Variants in DLGAP1 observed in about 807,000 individuals in gnomAD.
DLGAP1 encodes DLG associated protein 1, also known as disks large-associated protein 1.
A neutral mutation model predicts 90.8 loss-of-function variants in DLGAP1; 11 were observed. That is an observed-to-expected ratio of 0.12 (90% CI 0.08 to 0.20). The LOEUF (loss-of-function observed/expected upper bound fraction) is 0.20, where lower values mean the gene tolerates loss of function less well. Ranked by LOEUF, DLGAP1 falls within the 10% of genes least tolerant of loss-of-function variation. The pLI, the probability that DLGAP1 is intolerant of heterozygous loss-of-function variation, is 1.00. For synonymous variants in DLGAP1, 558 were observed against 540.7 expected (o/e 1.03, Z -0.44); for missense variants, 1,050 against 1,333.8 (o/e 0.79, Z 3.31).
intron 9 of DLGAP1, among the ~76,000 whole-genome samples, chr18:3,549,419 G>A (rs749244408): frequency 6.7e-6 from 1 of 149,114 alleles, no homozygotes; most frequent in South Asian, 2.1e-4. Flanking sequence ...TGCAACCTCC[G>A]CCTCCCAGGT....
chr18:3,637,466 C>G (rs1483045193), intron 7 of DLGAP1, among the ~76,000 whole-genome samples: 1 of 151,318 alleles, frequency 6.6e-6, no homozygotes, highest in African/African-American at 2.4e-5. Flanking sequence ...AGGCGCAGTG[C>G]CTCACAACTG....
intron 1 of DLGAP1, among the ~76,000 whole-genome samples, chr18:4,448,289 G>A (rs1484054269): frequency 1.3e-5 from 2 of 151,920 alleles, no homozygotes; most frequent in Non-Finnish European, 2.9e-5. Context: ...CATTTTAATC[G>A]TATTCTTTGT....
intron 7 of DLGAP1, chr18:3,598,434 G>C (rs2056712323): frequency 6.6e-6 from 1 of 151,272 alleles, no homozygotes. Context: ...AACTTGTCCA[G>C]GTGACCCCAG....
chr18:4,194,265 T>C (rs919858268), intron 1 of DLGAP1, among the ~76,000 whole-genome samples: 5 of 152,268 alleles, frequency 3.3e-5, no homozygotes, highest in African/African-American at 1.2e-4. Context: ...GTATTTGGGT[T>C]TCTGTTCCTG....
chr18:4,405,903 T>A (rs2082653424), intron 1 of DLGAP1, among the ~76,000 whole-genome samples: 1 of 152,060 alleles, frequency 6.6e-6, no homozygotes, highest in Admixed American at 6.5e-5. Flanking sequence ...ACAAAGCAAC[T>A]AAAGAACGAA....
At chr18:3,791,408 G>A (rs1268653160) in intron 5 of DLGAP1, among the ~76,000 whole-genome samples, 2 of 152,156 alleles carry the variant, frequency 1.3e-5, no homozygotes, top group Non-Finnish European at 2.9e-5. Flanking sequence ...AGCTCAAAGT[G>A]GCTTATAAGA....
chr18:3,728,010 C>CAT (rs1211520423), intron 7 of DLGAP1: 16 of 152,150 alleles, frequency 1.1e-4, no homozygotes, highest in African/African-American at 3.9e-4. Flanking sequence ...ACCTCAATTC[C>CAT]ATATATCTAG....
At chr18:4,314,698 A>G (rs552080024) in intron 1 of DLGAP1, among the ~76,000 whole-genome samples, 2 of 152,212 alleles carry the variant, frequency 1.3e-5, no homozygotes, top group Non-Finnish European at 2.9e-5. Flanking sequence ...ACATTCCCCT[A>G]AATAATCAGT....
At chr18:3,796,506 T>A (rs2065997220) in intron 5 of DLGAP1, among the ~76,000 whole-genome samples, 1 of 152,216 alleles carries the variant, frequency 6.6e-6, no homozygotes, top group African/African-American at 2.4e-5. Context: ...TTTCTAATAA[T>A]TGTAACATTC....
intron 3 of DLGAP1, among the ~76,000 whole-genome samples, chr18:3,910,119 T>A (rs1599147224): frequency 6.6e-6 from 1 of 150,610 alleles, no homozygotes; most frequent in Non-Finnish European, 1.5e-5. Flanking sequence ...AATGAATACC[T>A]GCTGTCGGCT....
intron 2 of DLGAP1, among the ~76,000 whole-genome samples, chr18:4,063,526 C>T (rs2075329416): frequency 6.6e-6 from 1 of 152,134 alleles, no homozygotes; most frequent in African/African-American, 2.4e-5. Context: ...CCTTACAAGG[C>T]TGTCTTAAGT....
At chr18:3,945,121 C>G (rs1383292566) in intron 3 of DLGAP1, among the ~76,000 whole-genome samples, 1 of 152,202 alleles carries the variant, frequency 6.6e-6, no homozygotes, top group African/African-American at 2.4e-5. Context: ...ACTAACTTCT[C>G]TGTGCTTCCA....
chr18:3,818,628 G>A (rs2067230356), intron 4 of DLGAP1, among the ~76,000 whole-genome samples: 1 of 150,532 alleles, frequency 6.6e-6, no homozygotes. Flanking sequence ...TTGAGGTGGT[G>A]TCTCGCTCTG....
In DLGAP1 at chr18:3,959,398, G is replaced by A. The variant is rs191026731; in HGVS notation, c.-73+45718C>T. Among the ~76,000 whole-genome samples, 505 of 152,220 alleles carry A rather than the reference G, an allele frequency of 3.3e-3. 2 individuals are homozygous for A. Among genetic ancestry groups the A allele is most frequent in the African/African-American group, 0.012 (488 of 41,538 alleles). ...AAACACAATTGGGGCCGGGCGTGGT[G>A]GCGCATGTCTGTAATCCCAGCACTT... On this transcript the variant is annotated intron_variant, in intron 3 of 12. Coordinates refer to ENST00000315677, the MANE Select transcript of DLGAP1 (RefSeq NM_004746.4).
chr18:3,504,538 C>T (rs1470987284), intron 11 of DLGAP1, among the ~76,000 whole-genome samples: 1 of 152,038 alleles, frequency 6.6e-6, no homozygotes, highest in East Asian at 1.9e-4. Flanking sequence ...GTGTGTGCCA[C>T]CATGCCTGGC....
intron 1 of DLGAP1, among the ~76,000 whole-genome samples, chr18:4,151,709 T>C (rs2076677678): frequency 2.0e-5 from 3 of 152,204 alleles, no homozygotes; most frequent in African/African-American, 2.4e-5. Context: ...GGCTAAAATG[T>C]ATCATTTTTT....
chr18:3,742,652 C>G, intron 5 of DLGAP1, 140 bp from the exon 6 acceptor site: 1 of 960,574 alleles, frequency 1.0e-6, no homozygotes, highest in Non-Finnish European at 1.5e-6. Flanking sequence ...TTACTAAACT[C>G]CCCCACAGTG....
At chr18:4,393,307 T>C (rs971920706) in intron 1 of DLGAP1, among the ~76,000 whole-genome samples, 2 of 152,298 alleles carry the variant, frequency 1.3e-5, no homozygotes, top group East Asian at 1.9e-4. Flanking sequence ...TCGTACTCCA[T>C]GCCTCTCTCT....
At position 4,342,414 on chromosome 18, in the gene DLGAP1, A is replaced by C. The variant is rs889026949; in HGVS notation, c.-267+112592T>G. 2.6e-5 allele frequency among the ~76,000 whole-genome samples: 4 copies of C among 152,222 alleles called. No individual in the cohort carries two copies. Among genetic ancestry groups the C allele is most frequent in the African/African-American group, 4.8e-5 (2 of 41,448 alleles). Reference sequence around the variant, plus strand: ...ACATTTTAAAAATTGGAAAGGAAATATCTTGCACTACTAAGACTAAATGGT... The same window carrying C: ...ACATTTTAAAAATTGGAAAGGAAATCTCTTGCACTACTAAGACTAAATGGT... On this transcript the variant is annotated intron_variant, in intron 1 of 12. Transcript: ENST00000315677. The surrounding 1 kb of genome is among the most constrained non-coding windows in gnomAD (Gnocchi z 5.8).
Sources: allele counts gnomAD v4.1 joint callset (sites outside exome capture counted in the v4.1 genomes callset), GRCh38; gene constraint gnomAD v4.1.1; non-coding constraint Gnocchi (gnomAD v3.1); transcripts MANE v1.5; gene names NCBI Gene and HGNC (gene_info 2026-07-23, HGNC 2026-07-21).